The following PDE10A variants were observed in gnomAD, a reference collection of about 807,000 sequenced individuals.
The protein encoded by PDE10A is cAMP and cAMP-inhibited cGMP 3',5'-cyclic phosphodiesterase 10A.
In PDE10A, 39 loss-of-function variants were observed where a neutral mutation model predicts 97.7. The ratio of observed to expected loss-of-function variants is 0.40; its 90% CI spans 0.31 to 0.52. The LOEUF (loss-of-function observed/expected upper bound fraction) is 0.52. PDE10A is among the 20% of genes least tolerant of loss of function. PDE10A has a pLI of 0.56. For synonymous variants in PDE10A, 371 were observed against 376.8 expected, an observed-to-expected ratio of 0.98 and a Z score of 0.18; for missense variants, 731 against 1,047.8, an observed-to-expected ratio of 0.70 and a Z score of 4.17.
Position 165,686,193 on chromosome 6 carries a change from A to G in PDE10A, c.-614-142625T>C, listed in dbSNP as rs924165375. Among the ~76,000 whole-genome samples the G allele has an allele frequency of 6.4e-4, 97 of 151,562 alleles. 2 individuals carry two copies. Among genetic ancestry groups the G allele is most frequent in the South Asian group, 1.2e-3 (6 of 4,814 alleles). ...CACACAGGCTGTGTCTTTAGCATGC[A>G]ATGAGGTGCATCCATGACAGCGCTC... is the stretch of plus-strand genomic sequence containing the variant. On this transcript the variant is annotated intron_variant, in intron 1 of 19. Coordinates refer to the PDE10A transcript ENST00000366882.
At chr6:165,507,549 T>C (rs891226599) in intron 2 of PDE10A, among the ~76,000 whole-genome samples, 4 of 152,030 alleles carry the variant, frequency 2.6e-5, no homozygotes, top group African/African-American at 9.7e-5. Flanking sequence ...CTTCAAGAAG[T>C]TCTACAATCA....
At chr6:165,491,854 C>A in intron 2 of PDE10A, among the ~76,000 whole-genome samples, 1 of 150,974 alleles carries the variant, frequency 6.6e-6, no homozygotes, top group African/African-American at 2.4e-5. Flanking sequence ...AAGAAATAAG[C>A]AAGATCAGAG....
chr6:165,721,837 A>G (rs1266383204), intron 1 of PDE10A, among the ~76,000 whole-genome samples: 2 of 152,232 alleles, frequency 1.3e-5, no homozygotes, highest in African/African-American at 4.8e-5. Context: ...AATAAAAAGT[A>G]TACTGATATA....
At chr6:165,716,187 C>T (rs1792022078) in intron 1 of PDE10A, among the ~76,000 whole-genome samples, 1 of 152,214 alleles carries the variant, frequency 6.6e-6, no homozygotes, top group Admixed American at 6.5e-5. Flanking sequence ...GGTGCTAAGA[C>T]AAGGAGCTCT....
rs569390801 is a variant in PDE10A at position 165,713,405 on chromosome 6, A to G, written c.-614-169837T>C. Among the ~76,000 whole-genome samples, 6 of 152,360 alleles carry G rather than the reference A, an allele frequency of 3.9e-5. No individual in the cohort carries two copies. The East Asian group carries it at 1.2e-3, about 29-fold the overall frequency. ...TACCTTCAGAAGTGACGTAAGATTT[A>G]ATTCCCAGTTAGACAGTGGCATGTG... is the stretch of plus-strand genomic sequence containing the variant. On this transcript the variant is annotated intron_variant, in intron 1 of 19. Coordinates refer to the PDE10A transcript ENST00000366882.
intron 5 of PDE10A, among the ~76,000 whole-genome samples, chr6:165,443,448 A>ATGGCCCCTGTGGC (rs1171664264): frequency 1.3e-5 from 2 of 152,086 alleles, no homozygotes; most frequent in Non-Finnish European, 2.9e-5. Flanking sequence ...TCTGCAGGGT[A>ATGGCCCCTGTGGC]TGGCCCCTGT....
At chr6:165,391,174 T>G (rs958288035) in intron 16 of PDE10A, among the ~76,000 whole-genome samples, 1 of 152,190 alleles carries the variant, frequency 6.6e-6, no homozygotes, top group Non-Finnish European at 1.5e-5. Flanking sequence ...CAAGATCAAA[T>G]GGTAACTTCT....
chr6:165,409,688 C>G (rs1787573321), intron 13 of PDE10A: 1 of 152,594 alleles, frequency 6.6e-6, no homozygotes, highest in Non-Finnish European at 1.5e-5. Context: ...GTGCGGGTGA[C>G]TACTCGACAG....
intron 2 of PDE10A, among the ~76,000 whole-genome samples, chr6:165,503,032 C>T (rs1780984737): frequency 6.6e-6 from 1 of 152,096 alleles, no homozygotes; most frequent in Admixed American, 6.6e-5. Flanking sequence ...AACAAAGAAA[C>T]AAGAAAAGTG....
intron 1 of PDE10A, among the ~76,000 whole-genome samples, chr6:165,619,319 G>GTAC (rs1787924096): frequency 6.8e-6 from 1 of 146,496 alleles, no homozygotes; most frequent in African/African-American, 2.7e-5. Context: ...GTAGTCTAGT[G>GTAC]TGGTGTAGTG....
chr6:165,513,444 A>G (rs910314586), intron 2 of PDE10A, among the ~76,000 whole-genome samples: 2 of 152,142 alleles, frequency 1.3e-5, no homozygotes, highest in African/African-American at 2.4e-5. Flanking sequence ...GTGTTTGTAC[A>G]GTAATTTTTG....
chr6:165,755,762 C>T (rs1455044286), intron 1 of PDE10A, among the ~76,000 whole-genome samples: 1 of 152,006 alleles, frequency 6.6e-6, no homozygotes, highest in African/African-American at 2.4e-5. Context: ...AGGTACAGCC[C>T]CTGCAGGTCA....
In PDE10A at chr6:165,977,110, C is replaced by T. The variant is rs58529078; in HGVS notation, c.-615+10419G>A. Among the ~76,000 whole-genome samples the T allele has an allele frequency of 9.5e-3, 1,450 of 152,322 alleles. 28 individuals are homozygous for T. The highest frequency in any genetic ancestry group is 0.033 in the African/African-American group (1,370 of 41,560). ...GGCAAGAGGGTGACATAAAGTTACACTTGTCCCTTTCTACTTCACAGTTAG... is the reference window on the plus strand; with the variant it reads ...GGCAAGAGGGTGACATAAAGTTACATTTGTCCCTTTCTACTTCACAGTTAG... On this transcript the variant is annotated intron_variant, in intron 1 of 19. Coordinates refer to the PDE10A transcript ENST00000366882.
intron 3 of PDE10A, among the ~76,000 whole-genome samples, chr6:165,469,202 TCG>T (rs1160790255): frequency 2.0e-5 from 3 of 152,200 alleles, no homozygotes; most frequent in Non-Finnish European, 4.4e-5. Flanking sequence ...GACAAACGGT[TCG>T]CGTCTGTAAT....
intron 13 of PDE10A, among the ~76,000 whole-genome samples, chr6:165,404,356 G>A (rs981364881): frequency 1.3e-5 from 2 of 152,046 alleles, no homozygotes; most frequent in Non-Finnish European, 2.9e-5. Context: ...TGCATGAGGA[G>A]AGGAGCTGAA....
chr6:165,334,336 T>A (rs559244665), intron 21 of PDE10A, among the ~76,000 whole-genome samples: 187 of 150,892 alleles, frequency 1.2e-3, no homozygotes, highest in African/African-American at 4.4e-3. Flanking sequence ...CGCGCCTCCA[T>A]AGCGCCCTAC....
intron 2 of PDE10A, among the ~76,000 whole-genome samples, chr6:165,532,401 T>A (rs1310719623): frequency 6.6e-6 from 1 of 151,768 alleles, no homozygotes; most frequent in Non-Finnish European, 1.5e-5. Flanking sequence ...TGAATCTAAA[T>A]GGGGCAAAAA....
intron 1 of PDE10A, among the ~76,000 whole-genome samples, chr6:165,767,043 A>C (rs1411570883): frequency 6.6e-6 from 1 of 152,232 alleles, no homozygotes; most frequent in Non-Finnish European, 1.5e-5. Context: ...TTTAGCTAAA[A>C]TGAACAGAGA....
At chr6:165,565,460 G>A (rs1399867211) in intron 1 of PDE10A, among the ~76,000 whole-genome samples, 1 of 152,110 alleles carries the variant, frequency 6.6e-6, no homozygotes, top group Non-Finnish European at 1.5e-5. Flanking sequence ...AACTAAATAA[G>A]TGGATACATA....
Sources: gnomAD v4.1 joint callset for allele counts (sites outside exome capture counted in the v4.1 genomes callset) on GRCh38, gnomAD v4.1.1 for gene constraint, MANE v1.5 for transcripts, NCBI Gene and HGNC (gene_info 2026-07-23, HGNC 2026-07-21) for gene names.